Variants in ZNF497 observed in about 807,000 individuals in gnomAD.
ZNF497 encodes zinc finger protein 497.
For missense variants in ZNF497, 930 were observed against 714.0 expected (o/e 1.30, Z -3.45); for synonymous variants, 422 against 313.7 (o/e 1.35, Z -3.65).
chr19:58,362,404 G>A (rs1321898364), intron 1 of ZNF497, among the ~76,000 whole-genome samples: 2 of 152,240 alleles, frequency 1.3e-5, no homozygotes, highest in Admixed American at 6.5e-5. Context: ...AAGAATAAAC[G>A]AGCAGGAGGA....
chr19:58,356,444 T>C lies in ZNF497; in HGVS notation c.1192A>G (p.Ser398Gly), dbSNP rs776560366. ...AGCCGGTGGTGCGCCAGGCCGGAAC[T>C]GCCGCGGAAGGCCTTGCCGCAGTCG... ...CADCGKAFRG[S>G]SGLAHHRLSH... is the part of the protein sequence containing the mutation. Residue 398 changes from serine (S) to glycine (G), a missense_variant, in exon 3 of 3, where the codon AGT (serine) becomes GGT (glycine). Ser to Gly is a moderately conservative substitution (Grantham distance 56). Coordinates refer to ENST00000311044, the MANE Select transcript of ZNF497 (RefSeq NM_198458.3). The C allele has an allele frequency of 7.7e-6, 12 of 1,558,050 alleles. No homozygotes were observed. In the Admixed American group the frequency reaches 2.1e-4, roughly 27 times the overall value.
Position 58,357,525 on chromosome 19 carries a change from G to A in ZNF497, c.111C>T (p.Gly37=), listed in dbSNP as rs751535949. ...RGLSEGAVSG[G]WGAWENSTEV... Reference sequence around the variant, plus strand: ...CCGTGGAGTTTTCCCAGGCCCCCCAGCCTCCAGACACAGCCCCCTCAGAGA... The same window carrying A: ...CCGTGGAGTTTTCCCAGGCCCCCCAACCTCCAGACACAGCCCCCTCAGAGA... Residue 37 remains glycine, a synonymous_variant, in exon 3 of 3, where the codon GGC becomes GGT. Transcript: ENST00000311044. 15 of 1,605,574 alleles carry A rather than the reference G, an allele frequency of 9.3e-6. No individual in the cohort carries two copies. In the Middle Eastern group the frequency reaches 1.5e-3, roughly 160 times the overall value.
chr19:58,359,577 CT>C, intron 1 of ZNF497: 1 of 410,910 alleles, frequency 2.4e-6, no homozygotes, highest in Non-Finnish European at 5.0e-6. Context: ...CCTTGGCACC[CT>C]TCATCCCACA....
intron 2 of ZNF497, 182 bp downstream of exon 2, chr19:58,358,307 G>A (rs945661381): frequency 3.9e-6 from 5 of 1,284,658 alleles, no homozygotes; most frequent in African/African-American, 1.5e-5. Context: ...GAGAGGCCAA[G>A]GGTGGGAGGG....
intron 1 of ZNF497, among the ~76,000 whole-genome samples, chr19:58,361,307 GT>G (rs1159907761): frequency 6.6e-6 from 1 of 152,204 alleles, no homozygotes; most frequent in Non-Finnish European, 1.5e-5. Flanking sequence ...GGGATCCTTC[GT>G]GATGGAAATA....
In ZNF497 at chr19:58,356,357, A is replaced by AGCTGCCGCGGAAGGC. The variant is rs1175570763; in HGVS notation, c.1264_1278dup (p.Ala422_Ser426dup). On this transcript the variant is annotated inframe_insertion, in exon 3 of 3. Coordinates refer to ENST00000311044, the MANE Select transcript of ZNF497 (RefSeq NM_198458.3). Reference sequence around the variant, plus strand: ...AGGCGCTGGTGCTGGCGCAGCTCGGAGCTGCCGCGGAAGGCCTTGCCGCAT... The same window carrying AGCTGCCGCGGAAGGC: ...AGGCGCTGGTGCTGGCGCAGCTCGGAGCTGCCGCGGAAGGCGCTGCCGCGGAAGGCCTTGCCGCAT... 3 of 1,566,320 alleles carry AGCTGCCGCGGAAGGC rather than the reference A, an allele frequency of 1.9e-6. No individual in the cohort carries two copies. The highest frequency in any genetic ancestry group is 2.7e-5 in the African/African-American group (2 of 73,926).
At position 58,355,626 on chromosome 19, in the gene ZNF497, G is replaced by A. The variant is rs1030718102; in HGVS notation, c.*513C>T. On this transcript the variant is annotated 3_prime_UTR_variant, in exon 3 of 3. Coordinates refer to ENST00000311044, the MANE Select transcript of ZNF497 (RefSeq NM_198458.3). Reference sequence around the variant, plus strand: ...GCTGAGCTTCTTGCCAACAGAATATGAGACACTAGAAAGCCATAGCATGCG... The same window carrying A: ...GCTGAGCTTCTTGCCAACAGAATATAAGACACTAGAAAGCCATAGCATGCG... The A allele has an allele frequency of 6.5e-6, 1 of 153,532 alleles. No individual in the cohort carries two copies. The highest frequency in any genetic ancestry group is 1.9e-4 in the East Asian group (1 of 5,214). 9.5% of individuals were successfully genotyped at this position (153,532 alleles called of 1,614,324 possible). A position where few individuals can be genotyped will look rare whatever the true frequency, so the allele number is the denominator to read the frequency against.
intron 1 of ZNF497, among the ~76,000 whole-genome samples, chr19:58,361,693 G>A (rs1218771227): frequency 6.6e-6 from 1 of 152,114 alleles, no homozygotes; most frequent in African/African-American, 2.4e-5. Flanking sequence ...GGGGAATTGG[G>A]TAAAGCGTAC....
At chr19:58,359,231 GC>G in intron 1 of ZNF497, 2 of 1,290,652 alleles carry the variant, frequency 1.5e-6, no homozygotes, top group Non-Finnish European at 2.0e-6. Context: ...GACCTGGGGG[GC>G]CAGGGCTGAT....
At position 58,356,891 on chromosome 19, in the gene ZNF497, G is replaced by A. The variant is rs2052030200; in HGVS notation, c.745C>T (p.Arg249Trp). 1 of 1,580,568 alleles carries A rather than the reference G, an allele frequency of 6.3e-7. No homozygotes were observed. The highest frequency in any genetic ancestry group is 8.6e-7 in the Non-Finnish European group (1 of 1,169,070). The change falls in exon 3 of 3, where the codon CGG (arginine) becomes TGG (tryptophan). Residue 249 changes from arginine to tryptophan, a missense_variant. By Grantham distance (101) the Arg-to-Trp change is moderately radical (BLOSUM62 -3). Transcript: ENST00000311044. The stretch of plus-strand genomic sequence containing the variant: ...TGGCTGAAGGCCTTGCCACAGTCCC[G>A]GCAGGCGTGCGGCCGCGCGCCCGTG... ...VHTGARPHAC[R>W]DCGKAFSQSS...
At chr19:58,359,406 GGAA>G in intron 1 of ZNF497, 1 of 507,650 alleles carries the variant, frequency 2.0e-6, no homozygotes, top group African/African-American at 2.0e-5. Context: ...GAGTAAAAAT[GGAA>G]GAATGGGGGT....
rs563246256 is a variant in ZNF497 at position 58,356,509 on chromosome 19, T to G, written c.1127A>C (p.His376Pro). The change falls in exon 3 of 3, where the codon CAC (histidine) becomes CCC (proline). Residue 376 changes from histidine (H) to proline (P), a missense_variant. Transcript: ENST00000311044. ...CTTGGCGCCCGAGTGCGTGCGCCGG[T>G]GGCTCAGTAGGTTGGAGCGCTGGCT... is the stretch of plus-strand genomic sequence containing the variant. ...AFSQRSNLLS[H>P]RRTHSGAKPF... The G allele has an allele frequency of 7.7e-6, 12 of 1,550,132 alleles. 1 individual carries two copies. The South Asian group carries it at 1.2e-4, about 15-fold the overall frequency.
Position 58,356,519 on chromosome 19 carries a change from G to A in ZNF497, c.1117C>T (p.Leu373=), listed in dbSNP as rs1316866662. 3.2e-6 allele frequency: 5 copies of A among 1,551,106 alleles called. No individual in the cohort carries two copies. In the Admixed American group the frequency reaches 5.7e-5, roughly 18 times the overall value. Residue 373 remains leucine (L), a synonymous_variant, in exon 3 of 3, where the codon CTA becomes TTA. Transcript: ENST00000311044. ...CGKAFSQRSN[L]LSHRRTHSGA... ...GAGTGCGTGCGCCGGTGGCTCAGTAGGTTGGAGCGCTGGCTGAAGGCCTTG... is the reference window on the plus strand; with the variant it reads ...GAGTGCGTGCGCCGGTGGCTCAGTAAGTTGGAGCGCTGGCTGAAGGCCTTG...
Position 58,358,469 on chromosome 19 carries a change from G to A in ZNF497, c.-15+20C>T, listed in dbSNP as rs201688259. On this transcript the variant is annotated intron_variant, in intron 2 of 2. Transcript: ENST00000311044. ...CGCTGCCAAGGCAGGGCAGGGACAA[G>A]TGTGTAGATGGTGCCATACCTGGAG... is the stretch of plus-strand genomic sequence containing the variant. 1 of 379,860 alleles carries A rather than the reference G, an allele frequency of 2.6e-6. No homozygotes were observed. Among genetic ancestry groups the A allele is most frequent in the Non-Finnish European group, 3.5e-6 (1 of 285,958 alleles). 23.5% of individuals were successfully genotyped at this position (379,860 alleles called of 1,614,324 possible).
chr19:58,361,388 G>C (rs913273574), intron 1 of ZNF497, among the ~76,000 whole-genome samples: 1 of 152,008 alleles, frequency 6.6e-6, no homozygotes, highest in Non-Finnish European at 1.5e-5. Context: ...ACAGAGTCTC[G>C]CTCTGTTGCC....
intron 2 of ZNF497, chr19:58,358,001 T>G: frequency 8.0e-7 from 1 of 1,243,788 alleles, no homozygotes; most frequent in African/African-American, 1.5e-5. Context: ...CTTCACAGGG[T>G]GGGGCCCCAA....
intron 1 of ZNF497, chr19:58,359,521 C>A: frequency 4.4e-6 from 2 of 453,638 alleles, no homozygotes; most frequent in Non-Finnish European, 8.9e-6. Context: ...CCATCCCTTC[C>A]CCCCGCCTCC....
intron 2 of ZNF497, 121 bp downstream of exon 2, chr19:58,358,368 G>A: frequency 8.2e-7 from 1 of 1,214,382 alleles, no homozygotes. Context: ...CCTTCCCACA[G>A]CGAAGTCTCT....
Position 58,355,975 on chromosome 19 carries a change from A to T in ZNF497, c.*164T>A. ...TGGCCGGTGGACTATCGTCAAAGGG[A>T]CTGTGCAGCCAGGGTTCTCCACACC... On this transcript the variant is annotated 3_prime_UTR_variant, in exon 3 of 3. Transcript: ENST00000311044. 1 of 748,744 alleles carries T rather than the reference A, an allele frequency of 1.3e-6. No homozygotes were observed. Among genetic ancestry groups the T allele is most frequent in the East Asian group, 2.9e-5 (1 of 34,014 alleles). 46.4% of individuals were successfully genotyped at this position (748,744 alleles called of 1,614,324 possible).
Sources: gnomAD v4.1 joint callset for allele counts (sites outside exome capture counted in the v4.1 genomes callset) on GRCh38, gnomAD v4.1.1 for gene constraint, MANE v1.5 for transcripts, NCBI Gene and HGNC (gene_info 2026-07-23, HGNC 2026-07-21) for gene names.